The following SYNPR variants were observed in gnomAD, a reference collection of about 807,000 sequenced individuals.
SYNPR encodes the protein synaptoporin.
SYNPR carries 23 observed loss-of-function variants against 32.9 expected under a neutral mutation model. The observed-to-expected ratio is 0.70, with a 90% CI of 0.50 to 0.99. The LOEUF (loss-of-function observed/expected upper bound fraction) is 0.99. Among genes scored for constraint, SYNPR ranks in the 50% least tolerant of loss-of-function variants. SYNPR has a pLI of 0.00. For synonymous variants in SYNPR, 146 were observed against 135.9 expected (o/e 1.07, Z -0.52); for missense variants, 318 against 349.3 (o/e 0.91, Z 0.71).
intron 2 of SYNPR, among the ~76,000 whole-genome samples, chr3:63,281,206 T>C (rs749171393): frequency 5.3e-5 from 8 of 152,200 alleles, no homozygotes; most frequent in Admixed American, 3.3e-4. Context: ...GTTCCTTTCA[T>C]AGCGCTTGGT....
At chr3:63,417,403 G>A (rs987315444) in intron 2 of SYNPR, among the ~76,000 whole-genome samples, 1 of 152,222 alleles carries the variant, frequency 6.6e-6, no homozygotes, top group Non-Finnish European at 1.5e-5. Context: ...GGCTGGTGAT[G>A]AGTGTCTGCA....
intron 2 of SYNPR, among the ~76,000 whole-genome samples, chr3:63,358,317 T>C (rs927874653): frequency 2.0e-5 from 3 of 152,376 alleles, no homozygotes; most frequent in South Asian, 2.1e-4. Context: ...TCTATTTCTT[T>C]GCATTTTCCA....
intron 2 of SYNPR, among the ~76,000 whole-genome samples, chr3:63,436,240 G>T (rs979739295): frequency 6.6e-6 from 1 of 151,112 alleles, no homozygotes; most frequent in African/African-American, 2.4e-5. Flanking sequence ...GTGCAGGTTT[G>T]TTACATATGT....
intron 2 of SYNPR, among the ~76,000 whole-genome samples, chr3:63,366,331 T>C (rs1337034999): frequency 6.6e-6 from 1 of 152,178 alleles, no homozygotes; most frequent in East Asian, 1.9e-4. Flanking sequence ...TGGTTTTAAA[T>C]AAGCTTAGAT....
chr3:63,322,051 CAGTA>C lies in SYNPR; in HGVS notation c.84+43313_84+43316del, dbSNP rs545606846. ...ACCAGCCCAATTAGGTCTATTGCAA[CAGTA>C]AGTGAGGAGAAACAGCCTCTTGAAA... On this transcript the variant is annotated intron_variant, in intron 2 of 5. Transcript: ENST00000478300. Among the ~76,000 whole-genome samples the C allele has an allele frequency of 2.2e-4, 34 of 152,096 alleles. 1 individual carries two copies. In the Middle Eastern group the frequency reaches 0.01, roughly 46 times the overall value.
chr3:63,225,631 A>G (rs1434290107), upstream of SYNPR, among the ~76,000 whole-genome samples: 2 of 152,196 alleles, frequency 1.3e-5, no homozygotes, highest in Admixed American at 6.5e-5. Flanking sequence ...CCCATCTCCC[A>G]TCATATACAA....
In SYNPR at chr3:63,489,017, T is replaced by C. The variant is rs181502786; in HGVS notation, c.209+8061T>C. ...AGGAGAGTGGTGATGGTGAATTGGG[T>C]AGAATGGATATTTTAGTTTGAGTTT... On this transcript the variant is annotated intron_variant, in intron 3 of 5. Coordinates refer to ENST00000478300, the MANE Select transcript of SYNPR (RefSeq NM_001130003.2). Among the ~76,000 whole-genome samples, 143 of 152,176 alleles carry C rather than the reference T, an allele frequency of 9.4e-4. 1 individual carries two copies. The highest frequency in any genetic ancestry group is 6.8e-3 in the Middle Eastern group (2 of 294).
intron 2 of SYNPR, among the ~76,000 whole-genome samples, chr3:63,428,665 G>A (rs1405574253): frequency 6.6e-6 from 1 of 152,242 alleles, no homozygotes; most frequent in Non-Finnish European, 1.5e-5. Flanking sequence ...GGCTAGGACA[G>A]ACAGCCTTGC....
chr3:63,503,138 T>C (rs1171923336), intron 3 of SYNPR, among the ~76,000 whole-genome samples: 1 of 152,144 alleles, frequency 6.6e-6, no homozygotes, highest in Non-Finnish European at 1.5e-5. Context: ...TTTGCCATTA[T>C]AATATTAAGA....
chr3:63,334,640 A>C (rs568958991), intron 2 of SYNPR, among the ~76,000 whole-genome samples: 2 of 152,094 alleles, frequency 1.3e-5, no homozygotes, highest in Non-Finnish European at 2.9e-5. Context: ...TGGCTGCCTG[A>C]AAAGGAAATG....
At chr3:63,436,827 G>GC (rs201387625) in intron 2 of SYNPR, among the ~76,000 whole-genome samples, 3,073 of 152,210 alleles carry the variant, frequency 0.02, 100 homozygotes, top group African/African-American at 0.07. Flanking sequence ...ATATTCCAGC[G>GC]GGGGAAGACT....
intron 4 of SYNPR, among the ~76,000 whole-genome samples, chr3:63,578,828 A>G (rs998957715): frequency 6.6e-6 from 1 of 152,158 alleles, no homozygotes; most frequent in African/African-American, 2.4e-5. Flanking sequence ...TCAGCAAGGC[A>G]GATACACCCA....
At chr3:63,526,705 T>C (rs1303124449) in intron 3 of SYNPR, among the ~76,000 whole-genome samples, 2 of 152,164 alleles carry the variant, frequency 1.3e-5, no homozygotes, top group African/African-American at 4.8e-5. Flanking sequence ...AGATGTGACA[T>C]CACTCATGGG....
At chr3:63,601,764 G>A (rs567189639) in intron 4 of SYNPR, among the ~76,000 whole-genome samples, 2 of 152,058 alleles carry the variant, frequency 1.3e-5, no homozygotes, top group Non-Finnish European at 2.9e-5. Flanking sequence ...CCATGTCTTT[G>A]CTATTGTGAA....
intron 2 of SYNPR, among the ~76,000 whole-genome samples, chr3:63,285,927 AG>A (rs2086676003): frequency 1.3e-5 from 2 of 152,172 alleles, no homozygotes; most frequent in Non-Finnish European, 2.9e-5. Context: ...AAGATTATGA[AG>A]GTGATGATGA....
intron 2 of SYNPR, among the ~76,000 whole-genome samples, chr3:63,459,648 T>C (rs1425754438): frequency 1.3e-5 from 2 of 152,222 alleles, no homozygotes; most frequent in East Asian, 3.9e-4. Flanking sequence ...ATCTCAAATT[T>C]CATTTAATCA....
rs532227908 is a variant in SYNPR, at chr3:63,256,872, A to C, written n.154+4286A>C. Reference sequence around the variant, plus strand: ...GAATAACCAATGCAGAGAAGTCCTTAAAGGACCTGATGGAGCTGAAAACCA... The same window carrying C: ...GAATAACCAATGCAGAGAAGTCCTTCAAGGACCTGATGGAGCTGAAAACCA... On this transcript the variant is annotated intron_variant and non_coding_transcript_variant, in intron 2 of 4. Transcript: ENST00000478456. Among the ~76,000 whole-genome samples the C allele has an allele frequency of 7.2e-5, 11 of 152,342 alleles. No individual in the cohort carries two copies. In the East Asian group the frequency reaches 2.1e-3, roughly 29 times the overall value.
intron 5 of SYNPR, among the ~76,000 whole-genome samples, chr3:63,614,514 C>T (rs1161068173): frequency 6.6e-6 from 1 of 152,204 alleles, no homozygotes; most frequent in Non-Finnish European, 1.5e-5. Flanking sequence ...TCTCTGAAAC[C>T]TGCACTTTAT....
At chr3:63,353,643 C>T (rs2087538269) in intron 2 of SYNPR, among the ~76,000 whole-genome samples, 1 of 152,194 alleles carries the variant, frequency 6.6e-6, no homozygotes, top group Non-Finnish European at 1.5e-5. Flanking sequence ...CGATCCTCCT[C>T]TTGCAAGTGC....
Sources: allele counts gnomAD v4.1 joint callset (sites outside exome capture counted in the v4.1 genomes callset), GRCh38; gene constraint gnomAD v4.1.1; transcripts MANE v1.5; gene names NCBI Gene and HGNC (gene_info 2026-07-23, HGNC 2026-07-21).